Variants in PAQR5 observed in about 807,000 individuals in gnomAD.
PAQR5 encodes progestin and adipoQ receptor family member 5, also known as membrane progestin receptor gamma.
In PAQR5, 20 loss-of-function variants were observed where a neutral mutation model predicts 34.5. The observed-to-expected ratio is 0.58, with a 90% CI of 0.41 to 0.84. The LOEUF (loss-of-function observed/expected upper bound fraction) is 0.84, where lower values mean the gene tolerates loss of function less well. Ranked by LOEUF, PAQR5 falls within the 40% of genes least tolerant of loss-of-function variation. The pLI is 0.00. For missense variants in PAQR5, 378 were observed against 412.7 expected, an observed-to-expected ratio of 0.92 and a Z score of 0.73; for synonymous variants, 131 against 155.6, an observed-to-expected ratio of 0.84 and a Z score of 1.18.
At chr15:69,342,931 T>C (rs2054678834) in intron 2 of PAQR5, among the ~76,000 whole-genome samples, 1 of 152,220 alleles carries the variant, frequency 6.6e-6, no homozygotes, top group Non-Finnish European at 1.5e-5. Context: ...TTCAGACCAC[T>C]CTGAGATAAG....
chr15:69,390,340 A>ATTTT (rs1450802023), intron 6 of PAQR5, among the ~76,000 whole-genome samples: 32 of 99,494 alleles, frequency 3.2e-4, no homozygotes, highest in South Asian at 8.0e-4. Context: ...TTATTTATTT[A>ATTTT]TTTATTTATT....
intron 5 of PAQR5, among the ~76,000 whole-genome samples, chr15:69,387,393 G>T (rs907082041): frequency 6.6e-6 from 1 of 152,156 alleles, no homozygotes. Context: ...ACTGTTAGAG[G>T]TTCCTGTGCA....
At chr15:69,348,539 G>A (rs2054831084) in intron 2 of PAQR5, among the ~76,000 whole-genome samples, 1 of 152,314 alleles carries the variant, frequency 6.6e-6, no homozygotes, top group South Asian at 2.1e-4. Context: ...TCAGAGTAGG[G>A]GAGAGATTCC....
chr15:69,402,786 A>G (rs2056674229), intron 8 of PAQR5, among the ~76,000 whole-genome samples: 1 of 152,180 alleles, frequency 6.6e-6, no homozygotes, highest in South Asian at 2.1e-4. Context: ...CCCATAACAC[A>G]TGTGGTCGCC....
intron 6 of PAQR5, chr15:69,396,769 G>A (rs75292036): frequency 1.4e-3 from 318 of 231,906 alleles, no homozygotes; most frequent in Non-Finnish European, 2.3e-3. Flanking sequence ...CTGGGCCCAA[G>A]TCAGCTGAGG....
intron 3 of PAQR5, among the ~76,000 whole-genome samples, chr15:69,377,835 A>G (rs2055750983): frequency 1.3e-5 from 2 of 152,198 alleles, no homozygotes; most frequent in African/African-American, 4.8e-5. Context: ...GAACCCCAAG[A>G]AATAGCACAA....
intron 3 of PAQR5, among the ~76,000 whole-genome samples, chr15:69,372,649 A>G (rs1279924319): frequency 5.9e-5 from 9 of 152,180 alleles, no homozygotes; most frequent in South Asian, 2.1e-4. Context: ...ATTTTCCTGT[A>G]ATTGTTTCAT....
intron 1 of PAQR5, among the ~76,000 whole-genome samples, chr15:69,299,834 C>G (rs979243457): frequency 1.3e-5 from 2 of 152,162 alleles, no homozygotes; most frequent in Non-Finnish European, 2.9e-5. Flanking sequence ...TGACAACTGC[C>G]CCTTCCCACG....
intron 6 of PAQR5, 69 bp from the exon 7 acceptor site, chr15:69,397,399 C>T (rs1205494376): frequency 2.0e-6 from 2 of 986,236 alleles, no homozygotes; most frequent in Admixed American, 3.4e-5. Context: ...GGTGTGCATG[C>T]ATGTGCGTAT....
At chr15:69,384,114 T>C (rs1476266993) in intron 4 of PAQR5, among the ~76,000 whole-genome samples, 2 of 108,774 alleles carry the variant, frequency 1.8e-5, no homozygotes, top group Admixed American at 9.5e-5. Flanking sequence ...GGAGGGTGAG[T>C]GGGCCTCTGT....
At chr15:69,386,800 C>T (rs983151419) in intron 5 of PAQR5, among the ~76,000 whole-genome samples, 32 of 152,068 alleles carry the variant, frequency 2.1e-4, no homozygotes, top group African/African-American at 7.2e-4. Context: ...AAACCTCTTA[C>T]CTGAGGTCCA....
rs186937547 is a variant in PAQR5 at position 69,309,829 on chromosome 15, A to G, written c.-277+10773A>G. ...CTTTGGGAGGCCAAGGTGGCTGATC[A>G]CCTGAGGTCAGGAGTTTGAGACCAG... On this transcript the variant is annotated intron_variant, in intron 1 of 8. Transcript: ENST00000395407. 6.1e-4 allele frequency among the ~76,000 whole-genome samples: 92 copies of G among 152,054 alleles called. 1 individual carries two copies. The East Asian group carries it at 0.017, about 28-fold the overall frequency.
intron 1 of PAQR5, among the ~76,000 whole-genome samples, chr15:69,308,943 A>G (rs1373066319): frequency 6.6e-6 from 1 of 152,124 alleles, no homozygotes; most frequent in Non-Finnish European, 1.5e-5. Flanking sequence ...TGATGACCGA[A>G]AGGGTTTGGA....
chr15:69,338,874 C>A (rs2054571057), intron 2 of PAQR5, among the ~76,000 whole-genome samples: 1 of 152,196 alleles, frequency 6.6e-6, no homozygotes, highest in Non-Finnish European at 1.5e-5. Context: ...CCAAAGCAGA[C>A]CTCCTTCTTG....
At chr15:69,321,350 C>T (rs1024744370) in intron 1 of PAQR5, among the ~76,000 whole-genome samples, 4 of 152,198 alleles carry the variant, frequency 2.6e-5, no homozygotes, top group Admixed American at 2.0e-4. Context: ...CAATTATCAA[C>T]TCATGGCCGT....
chr15:69,328,967 G>A (rs2054316032), intron 1 of PAQR5, among the ~76,000 whole-genome samples: 1 of 152,242 alleles, frequency 6.6e-6, no homozygotes, highest in South Asian at 2.1e-4. Context: ...AGGTTTCTGT[G>A]AAGTGACACT....
intron 3 of PAQR5, among the ~76,000 whole-genome samples, chr15:69,365,217 A>T (rs1460228366): frequency 6.7e-6 from 1 of 148,884 alleles, no homozygotes; most frequent in Admixed American, 6.7e-5. Flanking sequence ...AGCGATTCTC[A>T]TGCCTCAGCC....
intron 6 of PAQR5, among the ~76,000 whole-genome samples, chr15:69,396,572 A>G (rs1206872079): frequency 2.0e-5 from 3 of 152,012 alleles, no homozygotes. Context: ...TGATGTGGGG[A>G]CTTTACCTGT....
intron 2 of PAQR5, among the ~76,000 whole-genome samples, chr15:69,343,388 T>C (rs1490634096): frequency 6.6e-6 from 1 of 152,110 alleles, no homozygotes; most frequent in Non-Finnish European, 1.5e-5. Flanking sequence ...TGGGATCCTT[T>C]CAGAAGGCAC....
Sources: gnomAD v4.1 joint callset for allele counts (sites outside exome capture counted in the v4.1 genomes callset) on GRCh38, gnomAD v4.1.1 for gene constraint, MANE v1.5 for transcripts, NCBI Gene and HGNC (gene_info 2026-07-23, HGNC 2026-07-21) for gene names.